Variants in MAP2 observed in about 807,000 individuals in gnomAD.
MAP2 encodes the protein microtubule associated protein 2.
In MAP2, 14 loss-of-function variants were observed where a neutral mutation model predicts 137.6. The observed-to-expected ratio is 0.10, with a 90% CI of 0.07 to 0.16. The LOEUF (loss-of-function observed/expected upper bound fraction) is 0.16. MAP2 is among the 10% of genes least tolerant of loss of function. MAP2 has a pLI of 1.00. For synonymous variants in MAP2, 786 were observed against 782.3 expected (o/e 1.00, Z -0.08); for missense variants, 2,088 against 2,191.5 (o/e 0.95, Z 0.94).
intron 7 of MAP2, 140 bp from the exon 8 acceptor site, chr2:209,692,485 T>G: frequency 1.2e-6 from 1 of 856,582 alleles, no homozygotes; most frequent in South Asian, 2.1e-5. Context: ...TATTGACTTT[T>G]ACATGGGTAG....
chr2:209,567,605 GA>G (rs2073713648), intron 2 of MAP2, among the ~76,000 whole-genome samples: 1 of 151,712 alleles, frequency 6.6e-6, no homozygotes, highest in Non-Finnish European at 1.5e-5. Context: ...AAAAAAAATT[GA>G]GTTCCGTTTT....
At chr2:209,453,365 A>G (rs1238192439) in intron 1 of MAP2, among the ~76,000 whole-genome samples, 2 of 152,330 alleles carry the variant, frequency 1.3e-5, no homozygotes, top group East Asian at 3.9e-4. Context: ...TCATTCCTGC[A>G]TAAGTTGAAT....
intron 11 of MAP2, chr2:209,703,895 T>A (rs1269610765): frequency 2.4e-6 from 1 of 423,246 alleles, no homozygotes; most frequent in African/African-American, 2.0e-5. Flanking sequence ...CATGGATACC[T>A]GTTCTAGACC....
At chr2:209,587,279 C>T (rs1327041073) in intron 3 of MAP2, among the ~76,000 whole-genome samples, 1 of 152,156 alleles carries the variant, frequency 6.6e-6, no homozygotes, top group African/African-American at 2.4e-5. Context: ...CTCCACATTC[C>T]ATCCTCTTGC....
Position 209,466,250 on chromosome 2 carries a change from C to G in MAP2, c.-221-41342C>G, listed in dbSNP as rs1198461614. Among the ~76,000 whole-genome samples, 8 of 152,238 alleles carry G rather than the reference C, an allele frequency of 5.3e-5. No individual in the cohort carries two copies. In the East Asian group the frequency reaches 1.5e-3, roughly 29 times the overall value. On this transcript the variant is annotated intron_variant, in intron 1 of 15. Transcript: ENST00000682079. Reference sequence around the variant, plus strand: ...AAGAAAATGGGATTTCTAGTATTAGCTTTTGATTAAAAGACCCCCTACAAA... The same window carrying G: ...AAGAAAATGGGATTTCTAGTATTAGGTTTTGATTAAAAGACCCCCTACAAA...
chr2:209,478,125 A>T (rs907253775), intron 1 of MAP2, among the ~76,000 whole-genome samples: 5 of 152,222 alleles, frequency 3.3e-5, no homozygotes, highest in African/African-American at 7.2e-5. Flanking sequence ...TGTGGGGAAA[A>T]TAGAATGAAA....
intron 7 of MAP2, among the ~76,000 whole-genome samples, chr2:209,689,859 C>T (rs1217136740): frequency 6.6e-6 from 1 of 152,082 alleles, no homozygotes; most frequent in Non-Finnish European, 1.5e-5. Context: ...TTAAATTTAA[C>T]CTTGACCTTG....
At chr2:209,573,298 G>GGTTTTTTTTTTTTTTTTTTTTTTTT (rs770132978) in intron 2 of MAP2, among the ~76,000 whole-genome samples, 5 of 120,070 alleles carry the variant, frequency 4.2e-5, no homozygotes, top group African/African-American at 1.7e-4. Flanking sequence ...TTCTTTTTCT[G>GGTTTTTTTTTTTTTTTTTTTTTTTT]TTTTTTTTTT....
chr2:209,545,538 G>A (rs2067881543), intron 2 of MAP2, among the ~76,000 whole-genome samples: 1 of 152,160 alleles, frequency 6.6e-6, no homozygotes, highest in South Asian at 2.1e-4. Flanking sequence ...CAAGTCATAA[G>A]GCTAGTGTCT....
intron 7 of MAP2, among the ~76,000 whole-genome samples, chr2:209,687,110 A>G (rs1279506672): frequency 6.6e-6 from 1 of 151,562 alleles, no homozygotes; most frequent in Non-Finnish European, 1.5e-5. Context: ...GGAAAGAGGC[A>G]TAATGCATTG....
chr2:209,721,191 C>G (rs532278173), intron 13 of MAP2, among the ~76,000 whole-genome samples: 2 of 152,272 alleles, frequency 1.3e-5, no homozygotes, highest in African/African-American at 4.8e-5. Flanking sequence ...GAGTGTAACT[C>G]TTCATGAGCA....
intron 1 of MAP2, among the ~76,000 whole-genome samples, chr2:209,471,471 C>T (rs2149714144): frequency 6.6e-6 from 1 of 152,216 alleles, no homozygotes; most frequent in East Asian, 1.9e-4. Context: ...GTAGGTGCTG[C>T]TAGGGTAAGG....
In MAP2 at chr2:209,525,775, T is replaced by C. The variant is rs377333317; in HGVS notation, c.-172+18134T>C. ...TACATTCTCAGGGAATTTTGTATAG[T>C]TCAAGATTATATAAATAACTTTGTC... On this transcript the variant is annotated intron_variant, in intron 2 of 15. Coordinates refer to ENST00000682079, the MANE Select transcript of MAP2 (RefSeq NM_001375505.1). Among the ~76,000 whole-genome samples, 94 of 152,296 alleles carry C rather than the reference T, an allele frequency of 6.2e-4. 1 individual carries two copies. Among genetic ancestry groups the C allele is most frequent in the African/African-American group, 2.1e-3 (87 of 41,586 alleles).
At chr2:209,571,128 G>A (rs2074322632) in intron 2 of MAP2, among the ~76,000 whole-genome samples, 1 of 151,810 alleles carries the variant, frequency 6.6e-6, no homozygotes. Context: ...ACACAGCCAT[G>A]GTTACATGGT....
intron 3 of MAP2, among the ~76,000 whole-genome samples, chr2:209,600,763 T>A (rs1340841446): frequency 1.3e-5 from 2 of 152,172 alleles, no homozygotes; most frequent in Non-Finnish European, 2.9e-5. Flanking sequence ...GGCCTTGAAT[T>A]TGCAGGCTTC....
At chr2:209,593,089 A>G (rs2079716529) in intron 3 of MAP2, among the ~76,000 whole-genome samples, 1 of 152,044 alleles carries the variant, frequency 6.6e-6, no homozygotes, top group Non-Finnish European at 1.5e-5. Flanking sequence ...AGGTACTCAT[A>G]TATTAATTTC....
intron 1 of MAP2, among the ~76,000 whole-genome samples, chr2:209,470,110 A>G (rs180872053): frequency 9.9e-5 from 15 of 152,242 alleles, no homozygotes; most frequent in African/African-American, 3.4e-4. Flanking sequence ...AGTCATCCAT[A>G]TTTTTTTAAT....
intron 10 of MAP2, 59 bp from the exon 11 acceptor site, chr2:209,700,218 C>A: frequency 7.1e-7 from 1 of 1,400,434 alleles, no homozygotes; most frequent in Non-Finnish European, 1.0e-6. Context: ...GTATTTAAAA[C>A]TGCATTTATG....
intron 5 of MAP2, among the ~76,000 whole-genome samples, chr2:209,677,781 A>G (rs943146718): frequency 3.9e-5 from 6 of 151,984 alleles, no homozygotes. Context: ...AAATGAAACT[A>G]AGATGATTTG....
Sources: gnomAD v4.1 joint callset for allele counts (sites outside exome capture counted in the v4.1 genomes callset) on GRCh38, gnomAD v4.1.1 for gene constraint, MANE v1.5 for transcripts, NCBI Gene and HGNC (gene_info 2026-07-23, HGNC 2026-07-21) for gene names.